Variants in DNM3 observed in about 807,000 individuals in gnomAD.
DNM3 encodes the protein dynamin-3.
DNM3 carries 47 observed loss-of-function variants against 101.6 expected under a neutral mutation model. The ratio of observed to expected loss-of-function variants is 0.46; its 90% CI spans 0.37 to 0.59. The LOEUF (loss-of-function observed/expected upper bound fraction) is 0.59, where lower values mean the gene tolerates loss of function less well. Among genes scored for constraint, DNM3 ranks in the 20% least tolerant of loss-of-function variants. DNM3 has a pLI of 0.00. For missense variants in DNM3, 849 were observed against 1,085.7 expected, an observed-to-expected ratio of 0.78 and a Z score of 3.06; for synonymous variants, 385 against 387.9, an observed-to-expected ratio of 0.99 and a Z score of 0.09.
At chr1:171,945,257 C>T (rs1019373527) in intron 2 of DNM3, among the ~76,000 whole-genome samples, 1 of 151,762 alleles carries the variant, frequency 6.6e-6, no homozygotes, top group African/African-American at 2.4e-5. Context: ...TTAGAGAAAC[C>T]AATTATTTGC....
intron 14 of DNM3, among the ~76,000 whole-genome samples, chr1:172,148,301 T>G (rs528853893): frequency 1.3e-5 from 2 of 151,910 alleles, no homozygotes; most frequent in South Asian, 4.1e-4. Context: ...ATTTGTATTT[T>G]TTTTTTTTTT....
intron 14 of DNM3, among the ~76,000 whole-genome samples, chr1:172,158,063 G>C (rs556783089): frequency 1.4e-4 from 21 of 152,094 alleles, no homozygotes; most frequent in African/African-American, 4.8e-4. Context: ...AGAAAATCTG[G>C]GAATGGGGTT....
rs2071265192 is a variant in DNM3 at position 172,412,452 on chromosome 1, A to G, written c.*4611A>G. 1 of 985,544 alleles carries G rather than the reference A, an allele frequency of 1.0e-6. No individual in the cohort carries two copies. Among genetic ancestry groups the G allele is most frequent in the African/African-American group, 1.8e-5 (1 of 57,142 alleles). The allele number at this position is 985,544 out of a possible 1,614,324, so 61.0% of individuals were successfully genotyped here. ...TTTTTACTTTCCCTTTTTTGGGTCAAATTTTTCTTTTGCTTTGTTTGAAGA... is the reference window on the plus strand; with the variant it reads ...TTTTTACTTTCCCTTTTTTGGGTCAGATTTTTCTTTTGCTTTGTTTGAAGA... On this transcript the variant is annotated 3_prime_UTR_variant, in exon 21 of 21. Transcript: ENST00000627582.
At chr1:172,008,215 A>G (rs1441992929) in intron 4 of DNM3, among the ~76,000 whole-genome samples, 4 of 151,048 alleles carry the variant, frequency 2.6e-5, no homozygotes, top group Admixed American at 2.6e-4. Context: ...ATGTAATTTC[A>G]TTTGTCTGTT....
downstream of DNM3, among the ~76,000 whole-genome samples, chr1:172,417,517 C>G (rs2071471030): frequency 6.6e-6 from 1 of 152,084 alleles, no homozygotes; most frequent in South Asian, 2.1e-4. Context: ...ATCCAGCAGA[C>G]CAGATTTCAT....
intron 6 of DNM3, among the ~76,000 whole-genome samples, chr1:172,035,103 T>C (rs1037854939): frequency 8.6e-5 from 13 of 152,024 alleles, no homozygotes; most frequent in African/African-American, 2.9e-4. Context: ...GTTTGAGAAA[T>C]GTTCAGGAAA....
intron 4 of DNM3, among the ~76,000 whole-genome samples, chr1:171,993,940 T>TA (rs535776048): frequency 1.1e-4 from 16 of 151,866 alleles, no homozygotes; most frequent in East Asian, 5.8e-4. Context: ...TTGGTTCTTT[T>TA]AAAAAAAAAT....
rs150781103 is a variant in DNM3 at position 172,222,885 on chromosome 1, T to C, written c.1660-30688T>C. ...CACAAACAAAATCTAGAAAAAGATG[T>C]ATGTATGATTCTTGTCCTTCTCTAT... On this transcript the variant is annotated intron_variant, in intron 14 of 20. Transcript: ENST00000627582. Among the ~76,000 whole-genome samples, 405 of 152,264 alleles carry C rather than the reference T, an allele frequency of 2.7e-3. 1 individual carries two copies. The highest frequency in any genetic ancestry group is 9.3e-3 in the African/African-American group (387 of 41,560).
chr1:172,256,230 T>A (rs1047914654), intron 15 of DNM3, among the ~76,000 whole-genome samples: 10 of 152,120 alleles, frequency 6.6e-5, no homozygotes, highest in African/African-American at 2.2e-4. Flanking sequence ...TAAATTGAGG[T>A]GAGAATAAGT....
At chr1:171,914,353 C>T (rs1274067099) in intron 1 of DNM3, among the ~76,000 whole-genome samples, 3 of 152,046 alleles carry the variant, frequency 2.0e-5, no homozygotes, top group Admixed American at 1.3e-4. Context: ...GATGGGGTTT[C>T]TCCATGTTGA....
At chr1:172,345,084 A>C (rs2148967942) in intron 17 of DNM3, among the ~76,000 whole-genome samples, 1 of 152,326 alleles carries the variant, frequency 6.6e-6, no homozygotes. Context: ...GTTTTTCTCT[A>C]AACTGGCATT....
At chr1:171,879,020 A>T (rs2125117220) in intron 1 of DNM3, among the ~76,000 whole-genome samples, 1 of 152,334 alleles carries the variant, frequency 6.6e-6, no homozygotes, top group South Asian at 2.1e-4. Context: ...GTATGTAGTT[A>T]TGCAAGTGCA....
intron 14 of DNM3, among the ~76,000 whole-genome samples, chr1:172,165,933 G>T (rs898499767): frequency 6.6e-5 from 10 of 151,730 alleles, no homozygotes; most frequent in African/African-American, 2.4e-4. Flanking sequence ...TTTTGTGCCA[G>T]GCACTGTGCT....
chr1:172,187,390 A>C (rs1315828223), intron 14 of DNM3, among the ~76,000 whole-genome samples: 1 of 152,104 alleles, frequency 6.6e-6, no homozygotes, highest in African/African-American at 2.4e-5. Context: ...ATATACTTGC[A>C]TCAGATTCTT....
chr1:171,964,472 C>T lies in DNM3; in HGVS notation c.236-23184C>T, dbSNP rs1031710543. 2.0e-5 allele frequency among the ~76,000 whole-genome samples: 3 copies of T among 152,142 alleles called. No individual in the cohort carries two copies. The South Asian group carries it at 6.2e-4, about 32-fold the overall frequency. On this transcript the variant is annotated intron_variant, in intron 2 of 20. Transcript: ENST00000627582. ...AGCCACCCCCTCCACCCCTGCCTTTCCAGACCAAACCAATGTACATCTTAC... is the reference window on the plus strand; with the variant it reads ...AGCCACCCCCTCCACCCCTGCCTTTTCAGACCAAACCAATGTACATCTTAC...
At chr1:171,959,484 G>C (rs2043071255) in intron 2 of DNM3, among the ~76,000 whole-genome samples, 1 of 152,076 alleles carries the variant, frequency 6.6e-6, no homozygotes, top group Non-Finnish European at 1.5e-5. Context: ...TAAACAGATG[G>C]ATATGCAAGC....
chr1:171,973,377 T>C (rs2044151349), intron 2 of DNM3, among the ~76,000 whole-genome samples: 1 of 152,230 alleles, frequency 6.6e-6, no homozygotes, highest in South Asian at 2.1e-4. Flanking sequence ...GCTATTTAGA[T>C]TAATTGTTAC....
rs562627027 is a variant in DNM3 at position 172,061,771 on chromosome 1, C to T, written c.1336-7048C>T. On this transcript the variant is annotated intron_variant, in intron 10 of 20. Coordinates refer to ENST00000627582, the MANE Select transcript of DNM3 (RefSeq NM_015569.5). ...CTAGATGACAAGTTAGTGGGTGCAG[C>T]GCACCAGCATGGCACATGTATACAT... is the stretch of plus-strand genomic sequence containing the variant. 5.3e-3 allele frequency among the ~76,000 whole-genome samples: 803 copies of T among 151,322 alleles called. 12 individuals carry two copies. The highest frequency in any genetic ancestry group is 0.018 in the African/African-American group (747 of 41,124).
intron 12 of DNM3, among the ~76,000 whole-genome samples, chr1:172,092,494 A>G (rs951939252): frequency 2.6e-5 from 4 of 152,220 alleles, no homozygotes; most frequent in Non-Finnish European, 5.9e-5. Context: ...CATATACTCA[A>G]TAATCATTAA....
Sources: allele counts gnomAD v4.1 joint callset (sites outside exome capture counted in the v4.1 genomes callset), GRCh38; gene constraint gnomAD v4.1.1; transcripts MANE v1.5; gene names NCBI Gene and HGNC (gene_info 2026-07-23, HGNC 2026-07-21).